Variants in SPATS2 observed in about 807,000 individuals in gnomAD.
SPATS2 encodes spermatogenesis-associated serine-rich protein 2.
Under a neutral mutation model 63.7 loss-of-function variants are expected in SPATS2, and 38 were observed. That is an observed-to-expected ratio of 0.60 (90% CI 0.46 to 0.78). SPATS2 has a LOEUF of 0.78. SPATS2 is among the 30% of genes least tolerant of loss of function. The pLI is 0.00. For missense variants in SPATS2, 588 were observed against 666.2 expected, an observed-to-expected ratio of 0.88 and a Z score of 1.29; for synonymous variants, 207 against 232.9, an observed-to-expected ratio of 0.89 and a Z score of 1.01.
chr12:49,504,039 C>T (rs928007019), intron 9 of SPATS2, among the ~76,000 whole-genome samples: 1 of 152,166 alleles, frequency 6.6e-6, no homozygotes, highest in Non-Finnish European at 1.5e-5. Context: ...TTTCAATGTT[C>T]CTTGTAGCCG....
chr12:49,407,595 C>T (rs576724647), intron 2 of SPATS2, among the ~76,000 whole-genome samples: 30 of 152,278 alleles, frequency 2.0e-4, no homozygotes, highest in Middle Eastern at 3.4e-3. Flanking sequence ...TTTCCTCTTC[C>T]TTATTTCAGG....
At chr12:49,448,195 T>A (rs2137592257) in intron 2 of SPATS2, among the ~76,000 whole-genome samples, 1 of 150,828 alleles carries the variant, frequency 6.6e-6, no homozygotes, top group Admixed American at 6.6e-5. Context: ...TGGAGTGCAG[T>A]GGCGTGATCT....
chr12:49,473,661 C>T (rs1946075580), intron 3 of SPATS2, among the ~76,000 whole-genome samples: 1 of 152,216 alleles, frequency 6.6e-6, no homozygotes, highest in Non-Finnish European at 1.5e-5. Flanking sequence ...TTGCCCATCA[C>T]TAGCAGGATA....
At chr12:49,468,435 C>T (rs2137732148) in intron 3 of SPATS2, among the ~76,000 whole-genome samples, 1 of 152,122 alleles carries the variant, frequency 6.6e-6, no homozygotes, top group East Asian at 1.9e-4. Context: ...GCTGGGATTA[C>T]AGGCGTGAAC....
At chr12:49,480,200 T>C (rs995058345) in intron 3 of SPATS2, among the ~76,000 whole-genome samples, 3 of 152,218 alleles carry the variant, frequency 2.0e-5, no homozygotes, top group Non-Finnish European at 4.4e-5. Context: ...TCTACACTTG[T>C]CTCTATGGTG....
chr12:49,460,942 C>T lies in SPATS2; in HGVS notation c.-71C>T, dbSNP rs1945810738. On this transcript the variant is annotated 5_prime_UTR_variant, in exon 3 of 14. Coordinates refer to ENST00000552918, the MANE Select transcript of SPATS2 (RefSeq NM_023071.4). Reference sequence around the variant, plus strand: ...GTTGCCCACTTTTAAATCAGAGATACCTACACTCAAAACCCAGACAAGGCA... The same window carrying T: ...GTTGCCCACTTTTAAATCAGAGATATCTACACTCAAAACCCAGACAAGGCA... 33 of 1,579,118 alleles carry T rather than the reference C, an allele frequency of 2.1e-5. No individual in the cohort carries two copies. The South Asian group carries it at 3.6e-4, about 17-fold the overall frequency.
intron 1 of SPATS2, among the ~76,000 whole-genome samples, chr12:49,370,372 C>G (rs572298628): frequency 1.3e-5 from 2 of 152,248 alleles, no homozygotes; most frequent in Admixed American, 6.5e-5. Context: ...TTCAGTCTTG[C>G]TGCTTTCATT....
chr12:49,390,055 C>T, intron 2 of SPATS2: 1 of 1,051,136 alleles, frequency 9.5e-7, no homozygotes, highest in East Asian at 2.4e-5. Flanking sequence ...TAGAGAGATC[C>T]TATAAATAAC....
At chr12:49,449,305 T>C (rs557372392) in intron 2 of SPATS2, among the ~76,000 whole-genome samples, 23 of 152,326 alleles carry the variant, frequency 1.5e-4, no homozygotes, top group Admixed American at 1.3e-4. Context: ...AACCTCCGCC[T>C]CACGGGTTCA....
Position 49,526,345 on chromosome 12 carries a change from A to G in SPATS2, c.*90A>G. On this transcript the variant is annotated 3_prime_UTR_variant, in exon 14 of 14. Transcript: ENST00000552918. ...AACTTACAGTTAGATGTAATAACAAAAAGAAGTTTATGCGTATCACTTTTT... is the reference window on the plus strand; with the variant it reads ...AACTTACAGTTAGATGTAATAACAAGAAGAAGTTTATGCGTATCACTTTTT... 1 of 1,431,694 alleles carries G rather than the reference A, an allele frequency of 7.0e-7. No homozygotes were observed. 88.7% of individuals were successfully genotyped at this position (1,431,694 alleles called of 1,614,324 possible).
At chr12:49,470,730 G>A (rs1010811409) in intron 3 of SPATS2, among the ~76,000 whole-genome samples, 2 of 152,076 alleles carry the variant, frequency 1.3e-5, no homozygotes, top group Non-Finnish European at 2.9e-5. Flanking sequence ...CAACCACCTA[G>A]TACAGTTAGT....
intron 11 of SPATS2, 134 bp downstream of exon 11, chr12:49,519,316 C>A: frequency 1.5e-6 from 1 of 658,320 alleles, no homozygotes; most frequent in Non-Finnish European, 2.5e-6. Context: ...TCTTCCAAGT[C>A]CCTTTCTCTG....
chr12:49,473,108 A>T (rs932183475), intron 3 of SPATS2, among the ~76,000 whole-genome samples: 1 of 150,592 alleles, frequency 6.6e-6, no homozygotes, highest in African/African-American at 2.4e-5. Context: ...GAAAGCAAAG[A>T]GTGTATGGGG....
intron 3 of SPATS2, among the ~76,000 whole-genome samples, chr12:49,465,614 G>A (rs1248688544): frequency 6.6e-6 from 1 of 152,036 alleles, no homozygotes; most frequent in Non-Finnish European, 1.5e-5. Flanking sequence ...TACATGATTT[G>A]TAAGTATATT....
chr12:49,375,122 G>A (rs533703860), intron 2 of SPATS2, among the ~76,000 whole-genome samples: 1 of 147,970 alleles, frequency 6.8e-6, no homozygotes, highest in South Asian at 2.2e-4. Flanking sequence ...TTAACAAGAT[G>A]TATGATTGCA....
chr12:49,390,097 G>T, intron 2 of SPATS2: 1 of 1,402,628 alleles, frequency 7.1e-7, no homozygotes, highest in East Asian at 2.3e-5. Context: ...AAGGAAAGAA[G>T]ATGTGTCGGA....
At chr12:49,431,062 A>G (rs927591145) in intron 2 of SPATS2, among the ~76,000 whole-genome samples, 2 of 152,194 alleles carry the variant, frequency 1.3e-5, no homozygotes, top group Admixed American at 6.5e-5. Context: ...ATGTCAAAAT[A>G]TAAAAAGGTA....
chr12:49,460,654 C>T (rs142418644), intron 2 of SPATS2, 116 bp from the exon 3 acceptor site: 35 of 225,882 alleles, frequency 1.5e-4, no homozygotes, highest in Middle Eastern at 3.1e-3. Context: ...TTCTATAGTA[C>T]TTAAAAACTA....
chr12:49,508,993 C>T (rs879753985), intron 9 of SPATS2, among the ~76,000 whole-genome samples: 7 of 151,852 alleles, frequency 4.6e-5, no homozygotes, highest in Non-Finnish European at 1.0e-4. Flanking sequence ...GAACCGGGGA[C>T]GCAAAGGTTG....
Sources: gnomAD v4.1 joint callset for allele counts (sites outside exome capture counted in the v4.1 genomes callset) on GRCh38, gnomAD v4.1.1 for gene constraint, MANE v1.5 for transcripts, NCBI Gene and HGNC (gene_info 2026-07-23, HGNC 2026-07-21) for gene names.